Variants in TENT4B observed in about 807,000 individuals in gnomAD.
The protein encoded by TENT4B is terminal nucleotidyltransferase 4B.
In TENT4B, 10 loss-of-function variants were observed where a neutral mutation model predicts 75.0. That is an observed-to-expected ratio of 0.13 (90% CI 0.08 to 0.23). The LOEUF (loss-of-function observed/expected upper bound fraction) is 0.23, where lower values mean the gene tolerates loss of function less well. Ranked by LOEUF, TENT4B falls within the 10% of genes least tolerant of loss-of-function variation. TENT4B has a pLI of 1.00. For synonymous variants in TENT4B, 350 were observed against 357.7 expected (o/e 0.98, Z 0.24); for missense variants, 579 against 893.8 (o/e 0.65, Z 4.49).
At chr16:50,209,853 G>A (rs1191267468) in intron 1 of TENT4B, among the ~76,000 whole-genome samples, 1 of 152,200 alleles carries the variant, frequency 6.6e-6, no homozygotes, top group Admixed American at 6.5e-5. Flanking sequence ...ACTTTCTAAG[G>A]TTTCTTGTAG....
upstream of TENT4B, chr16:50,153,070 TG>T: frequency 6.9e-7 from 1 of 1,443,468 alleles, no homozygotes; most frequent in Non-Finnish European, 9.1e-7. Flanking sequence ...CAAGTACGGT[TG>T]GGCCAGGCGG....
At chr16:50,154,454 C>T (rs749136399) in intron 1 of TENT4B, among the ~76,000 whole-genome samples, 195 bp downstream of exon 1, 3 of 151,958 alleles carry the variant, frequency 2.0e-5, no homozygotes, top group Non-Finnish European at 4.4e-5. Flanking sequence ...CCTTAGCCGT[C>T]CACACCCTCC....
intron 1 of TENT4B, among the ~76,000 whole-genome samples, chr16:50,203,966 A>G (rs1333958662): frequency 6.6e-6 from 1 of 152,162 alleles, no homozygotes; most frequent in Non-Finnish European, 1.5e-5. Context: ...TGCCTCTGGG[A>G]ATTTTACAGA....
At chr16:50,155,978 C>T (rs1481658072) in intron 1 of TENT4B, among the ~76,000 whole-genome samples, 55 of 152,042 alleles carry the variant, frequency 3.6e-4, no homozygotes, top group Non-Finnish European at 1.0e-4. Context: ...AAATTGTCCT[C>T]TCCTCTACTT....
intron 5 of TENT4B, among the ~76,000 whole-genome samples, chr16:50,220,468 C>T (rs2031776690): frequency 6.6e-6 from 1 of 152,030 alleles, no homozygotes; most frequent in South Asian, 2.1e-4. Context: ...GCATGAACCA[C>T]CACACCTGAC....
chr16:50,181,280 T>C (rs1477859271), intron 1 of TENT4B, among the ~76,000 whole-genome samples: 1 of 152,034 alleles, frequency 6.6e-6, no homozygotes, highest in Non-Finnish European at 1.5e-5. Flanking sequence ...TGCCTTGAAA[T>C]GCCCTTTATC....
intron 1 of TENT4B, among the ~76,000 whole-genome samples, chr16:50,205,223 G>C (rs374677018): frequency 1.3e-5 from 2 of 152,110 alleles, no homozygotes; most frequent in East Asian, 3.9e-4. Flanking sequence ...CAGAGGGCTG[G>C]TTAGTGGGTG....
chr16:50,172,974 G>A (rs190087399), intron 1 of TENT4B, among the ~76,000 whole-genome samples: 2 of 151,876 alleles, frequency 1.3e-5, no homozygotes, highest in African/African-American at 2.4e-5. Flanking sequence ...ATGGAGTCTC[G>A]CTCTCGCCCA....
intron 1 of TENT4B, among the ~76,000 whole-genome samples, chr16:50,155,769 C>T (rs777040190): frequency 6.6e-6 from 1 of 152,136 alleles, no homozygotes; most frequent in Non-Finnish European, 1.5e-5. Context: ...CAAGTCTACG[C>T]GTAAACCTGT....
At chr16:50,175,604 C>T (rs549689064) in intron 1 of TENT4B, among the ~76,000 whole-genome samples, 1 of 152,086 alleles carries the variant, frequency 6.6e-6, no homozygotes, top group South Asian at 2.1e-4. Context: ...CCTGCCTCAG[C>T]CTCCCGAGTA....
intron 1 of TENT4B, among the ~76,000 whole-genome samples, chr16:50,175,229 C>T (rs1454274036): frequency 6.6e-6 from 1 of 152,052 alleles, no homozygotes; most frequent in Non-Finnish European, 1.5e-5. Flanking sequence ...TTTTCCGAGT[C>T]CGTGACTTAT....
rs2032345190 is a variant in TENT4B, at chr16:50,233,140, C to A, written c.*3812C>A. The A allele has an allele frequency of 1.0e-6, 1 of 982,536 alleles. No individual in the cohort carries two copies. Among genetic ancestry groups the A allele is most frequent in the Admixed American group, 6.2e-5 (1 of 16,246 alleles). 60.9% of individuals were successfully genotyped at this position (982,536 alleles called of 1,614,324 possible). On this transcript the variant is annotated 3_prime_UTR_variant, in exon 12 of 12. Coordinates refer to ENST00000561678, the MANE Select transcript of TENT4B (RefSeq NM_001365324.3). ...ATATAAAAGTTATATTTAGTAGTTA[C>A]TGTTGATAGTAATTTTCATCAGGGT...
Position 50,231,277 on chromosome 16 carries a change from T to G in TENT4B, c.*1949T>G. ...AGCTTTTGTTTTTGAAACTAGTTTG[T>G]CATAACATTGTGCATAATCACAGTA... On this transcript the variant is annotated 3_prime_UTR_variant, in exon 12 of 12. Transcript: ENST00000561678. 1 of 985,392 alleles carries G rather than the reference T, an allele frequency of 1.0e-6. No individual in the cohort carries two copies. Among genetic ancestry groups the G allele is most frequent in the Non-Finnish European group, 1.2e-6 (1 of 829,490 alleles). The allele number at this position is 985,392 out of a possible 1,614,324, so 61.0% of individuals were successfully genotyped here.
Position 50,224,465 on chromosome 16 carries a change from C to G in TENT4B, c.1382-192C>G, listed in dbSNP as rs973691364. ...GAATACATTCCGGCAACTGATACAC[C>G]ATAATGAAGTACCAACTGCATGATT... On this transcript the variant is annotated intron_variant, in intron 7 of 11. Transcript: ENST00000561678. Among the ~76,000 whole-genome samples the G allele has an allele frequency of 6.6e-5, 10 of 152,064 alleles. 1 individual carries two copies. The highest frequency in any genetic ancestry group is 5.9e-4 in the Admixed American group (9 of 15,264).
At chr16:50,155,379 G>A (rs904375956) in intron 1 of TENT4B, among the ~76,000 whole-genome samples, 1 of 150,666 alleles carries the variant, frequency 6.6e-6, no homozygotes, top group African/African-American at 2.4e-5. Context: ...TACATTGAGG[G>A]CTTTAGCATG....
At position 50,232,679 on chromosome 16, in the gene TENT4B, C is replaced by G. The variant is rs2032331734; in HGVS notation, c.*3351C>G. The stretch of plus-strand genomic sequence containing the variant: ...GCTGTGACATGTTCATTGCAAAGCC[C>G]TCTCCAGTGACTAGGAGGTGTAGTT... On this transcript the variant is annotated 3_prime_UTR_variant, in exon 12 of 12. Transcript: ENST00000561678. 1 of 985,206 alleles carries G rather than the reference C, an allele frequency of 1.0e-6. No homozygotes were observed. The highest frequency in any genetic ancestry group is 4.7e-5 in the South Asian group (1 of 21,276). 61.0% of individuals were successfully genotyped at this position (985,206 alleles called of 1,614,324 possible).
intron 1 of TENT4B, among the ~76,000 whole-genome samples, chr16:50,175,646 A>G (rs930903415): frequency 6.6e-6 from 1 of 151,726 alleles, no homozygotes; most frequent in African/African-American, 2.4e-5. Flanking sequence ...TAATTTTTGT[A>G]TTTTGAGTAG....
chr16:50,160,267 A>G (rs1048946818), intron 1 of TENT4B, among the ~76,000 whole-genome samples: 6 of 152,236 alleles, frequency 3.9e-5, no homozygotes, highest in African/African-American at 1.4e-4. Flanking sequence ...TACTGTCACC[A>G]TTAATCATTG....
intron 4 of TENT4B, 111 bp from the exon 5 acceptor site, chr16:50,217,445 C>T: frequency 1.7e-6 from 1 of 601,524 alleles, no homozygotes; most frequent in Non-Finnish European, 2.9e-6. Context: ...ACTCAGTGTT[C>T]TTATGCTCTC....
Sources: allele counts gnomAD v4.1 joint callset (sites outside exome capture counted in the v4.1 genomes callset), GRCh38; gene constraint gnomAD v4.1.1; transcripts MANE v1.5; gene names NCBI Gene and HGNC (gene_info 2026-07-23, HGNC 2026-07-21).